STARD9: variants seen among roughly 807,000 people sequenced by gnomAD.
The protein encoded by STARD9 is StAR related lipid transfer domain containing 9, also known as stAR-related lipid transfer protein 9.
In STARD9, 346 loss-of-function variants were observed where a neutral mutation model predicts 399.8. The observed-to-expected ratio is 0.87, with a 90% CI of 0.79 to 0.95. The LOEUF is 0.95. Ranked by LOEUF, STARD9 falls within the 40% of genes least tolerant of loss-of-function variation. The pLI is 0.00. For synonymous variants in STARD9, 2,203 were observed against 2,143.5 expected (o/e 1.03, Z -0.77); for missense variants, 5,832 against 5,667.5 (o/e 1.03, Z -0.93).
In STARD9 at chr15:42,692,868, C is replaced by T. The variant is rs142161544; in HGVS notation, c.11290C>T (p.Leu3764=). Residue 3764 remains leucine (L), a synonymous_variant, in exon 23 of 33, where the codon CTA becomes TTA. Transcript: ENST00000290607. ...PQGANVILEG[L]GSDTSTVSQE... is the part of the protein sequence containing the mutation. Reference sequence around the variant, plus strand: ...GGGAGCCAATGTGATCCTTGAAGGGCTAGGCTCAGATACCTCGACTGTGTC... The same window carrying T: ...GGGAGCCAATGTGATCCTTGAAGGGTTAGGCTCAGATACCTCGACTGTGTC... 286 of 1,537,230 alleles carry T rather than the reference C, an allele frequency of 1.9e-4. 1 individual carries two copies. The East Asian group carries it at 6.1e-3, about 33-fold the overall frequency.
chr15:42,710,890 G>GCTCT (rs34768575), intron 26 of STARD9, among the ~76,000 whole-genome samples: 28 of 133,788 alleles, frequency 2.1e-4, no homozygotes, highest in Admixed American at 3.5e-4. Context: ...TCACTTGTGC[G>GCTCT]CTCTCTCTCT....
At chr15:42,683,332 A>G (rs902396065) in intron 22 of STARD9, among the ~76,000 whole-genome samples, 2 of 152,242 alleles carry the variant, frequency 1.3e-5, no homozygotes, top group Non-Finnish European at 2.9e-5. Context: ...TAGTACATGT[A>G]TCACTGATAT....
intron 26 of STARD9, among the ~76,000 whole-genome samples, chr15:42,698,545 A>G (rs1349825740): frequency 1.3e-5 from 2 of 152,126 alleles, no homozygotes; most frequent in East Asian, 3.8e-4. Flanking sequence ...ATATTTTAGT[A>G]AGAATAGCCG....
intron 7 of STARD9, among the ~76,000 whole-genome samples, chr15:42,647,583 ATCT>A (rs1398823871): frequency 4.6e-5 from 7 of 152,138 alleles, no homozygotes; most frequent in South Asian, 2.1e-4. Context: ...TTGTATTTTT[ATCT>A]TCTTTTCTAC....
At chr15:42,626,324 CTCCTCT>C (rs1439628043) in intron 3 of STARD9, among the ~76,000 whole-genome samples, 3 of 126,926 alleles carry the variant, frequency 2.4e-5, no homozygotes, top group Admixed American at 7.4e-5. Context: ...CCTCTTCTTC[CTCCTCT>C]TCCTCTTCTT....
Position 42,662,868 on chromosome 15 carries a change from T to G in STARD9, c.845T>G (p.Leu282Arg). 6.5e-7 allele frequency: 1 copy of G among 1,536,960 alleles called. No individual in the cohort carries two copies. The highest frequency in any genetic ancestry group is 2.4e-5 in the East Asian group (1 of 40,896). The change falls in exon 11 of 33, where the codon CTA (leucine) becomes CGA (arginine). Residue 282 changes from leucine (L) to arginine (R), a missense_variant. Coordinates refer to ENST00000290607, the MANE Select transcript of STARD9 (RefSeq NM_020759.3). ...GANINKSLVT[L>R]GIVISTLAQN... ...AATATCAACAAGTCCCTTGTGACTC[T>G]AGGAATTGTCATCTCCACCTTAGGT...
At position 42,665,815 on chromosome 15, in the gene STARD9, C is replaced by G. The variant is rs577253181; in HGVS notation, c.1284C>G (p.Asn428Lys). Residue 428 changes from asparagine (N) to lysine (K), a missense_variant, in exon 15 of 33, where the codon AAC becomes AAG. This residue lies in a region of STARD9 where 5,828 missense variants were observed against 5,651.1 expected (regional missense o/e 1.03). Coordinates refer to ENST00000290607, the MANE Select transcript of STARD9 (RefSeq NM_020759.3). ...LRNFSSLSDE[N>K]LKELVLQNEL... The stretch of plus-strand genomic sequence containing the variant: ...ACTTCAGTTCATTGAGTGATGAAAA[C>G]CTGAAGGAGCTGGTTCTCCAAAATG... 4.3e-5 allele frequency: 66 copies of G among 1,537,126 alleles called. 1 individual carries two copies. The African/African-American group carries it at 4.6e-4, about 11-fold the overall frequency.
At chr15:42,680,597 C>T (rs1418501084) in intron 20 of STARD9, among the ~76,000 whole-genome samples, 2 of 151,928 alleles carry the variant, frequency 1.3e-5, no homozygotes, top group Non-Finnish European at 2.9e-5. Flanking sequence ...GAGACCCTGT[C>T]TCAAAAAAAG....
intron 4 of STARD9, among the ~76,000 whole-genome samples, chr15:42,635,721 A>C (rs959263399): frequency 1.3e-5 from 2 of 152,186 alleles, no homozygotes; most frequent in African/African-American, 4.8e-5. Flanking sequence ...ATTTCTACTT[A>C]TCTCCAGGTT....
chr15:42,670,502 G>C (rs887131226), intron 16 of STARD9: 10 of 152,306 alleles, frequency 6.6e-5, no homozygotes, highest in African/African-American at 2.4e-4. Flanking sequence ...AGTTCCTTTT[G>C]ACAGCAGAAC....
At chr15:42,711,221 C>T (rs1052676493) in intron 26 of STARD9, among the ~76,000 whole-genome samples, 1 of 151,418 alleles carries the variant, frequency 6.6e-6, no homozygotes, top group Non-Finnish European at 1.5e-5. Context: ...CTCACTGCAA[C>T]CTCTGCCTCC....
chr15:42,689,056 C>T lies in STARD9; in HGVS notation c.7478C>T (p.Ser2493Phe), dbSNP rs1595778831. 2 of 1,537,268 alleles carry T rather than the reference C, an allele frequency of 1.3e-6. No individual in the cohort carries two copies. Among genetic ancestry groups the T allele is most frequent in the East Asian group, 2.4e-5 (1 of 40,918 alleles). ...CAGCCTGAAAAGAGGGTCAGCTTCTCCTTGGAAGAGGATAGTGACCAAGCC... is the reference window on the plus strand; with the variant it reads ...CAGCCTGAAAAGAGGGTCAGCTTCTTCTTGGAAGAGGATAGTGACCAAGCC... ...SSQPEKRVSF[S>F]LEEDSDQASK... is the part of the protein sequence containing the mutation. Residue 2493 changes from serine (S) to phenylalanine (F), a missense_variant, in exon 23 of 33, where the codon TCC becomes TTC. Physicochemically the swap from Ser to Phe is radical, Grantham distance 155. This residue lies in a region of STARD9 where 5,828 missense variants were observed against 5,651.1 expected (regional missense o/e 1.03). Transcript: ENST00000290607.
rs1179247783 is a variant in STARD9 at position 42,685,473 on chromosome 15, C to T, written c.3895C>T (p.Leu1299Phe). ...PHCELQPHCELQPHCEQAESQ... is the reference protein window; with the variant it reads ...PHCELQPHCEFQPHCEQAESQ... Reference sequence around the variant, plus strand: ...TTGTGAGCTCCAACCCCATTGTGAGCTCCAGCCCCATTGTGAGCAGGCTGA... The same window carrying T: ...TTGTGAGCTCCAACCCCATTGTGAGTTCCAGCCCCATTGTGAGCAGGCTGA... The change falls in exon 23 of 33, where the codon CTC becomes TTC. Residue 1299 changes from leucine to phenylalanine, a missense_variant. This residue lies in a region of STARD9 where 5,828 missense variants were observed against 5,651.1 expected (regional missense o/e 1.03). Coordinates refer to ENST00000290607, the MANE Select transcript of STARD9 (RefSeq NM_020759.3). 6.5e-7 allele frequency: 1 copy of T among 1,531,060 alleles called. No homozygotes were observed. Among genetic ancestry groups the T allele is most frequent in the Non-Finnish European group, 8.7e-7 (1 of 1,143,820 alleles). The allele number at this position is 1,531,060 out of a possible 1,614,324, so 94.8% of individuals were successfully genotyped here. A position where few individuals can be genotyped will look rare whatever the true frequency, so the allele number is the denominator to read the frequency against.
At chr15:42,657,110 AC>A in intron 9 of STARD9, among the ~76,000 whole-genome samples, 1 of 152,164 alleles carries the variant, frequency 6.6e-6, no homozygotes, top group Non-Finnish European at 1.5e-5. Flanking sequence ...TAATCCCAGC[AC>A]TTTGGGAAGC....
intron 7 of STARD9, among the ~76,000 whole-genome samples, chr15:42,645,802 A>G (rs569057962): frequency 1.4e-4 from 21 of 152,094 alleles, no homozygotes; most frequent in African/African-American, 4.8e-4. Context: ...TTGGCCTCCC[A>G]AAGTTCTGGG....
At chr15:42,621,206 T>C (rs1019055174) in intron 3 of STARD9, among the ~76,000 whole-genome samples, 91 of 152,342 alleles carry the variant, frequency 6.0e-4, no homozygotes, top group African/African-American at 1.9e-3. Context: ...TTCTCTTCTT[T>C]GTAATTAATA....
chr15:42,593,349 T>A (rs901945971), intron 3 of STARD9, among the ~76,000 whole-genome samples: 1 of 152,158 alleles, frequency 6.6e-6, no homozygotes, highest in African/African-American at 2.4e-5. Flanking sequence ...TGTAAAACTT[T>A]CCATGAGGAG....
intron 3 of STARD9, chr15:42,630,105 G>A (rs1216419356): frequency 6.7e-6 from 1 of 149,292 alleles, no homozygotes; most frequent in Non-Finnish European, 1.5e-5. Context: ...CTGGGTTCAA[G>A]TGATTCTCCT....
At chr15:42,678,540 A>G (rs958498285) in intron 20 of STARD9, among the ~76,000 whole-genome samples, 1 of 152,198 alleles carries the variant, frequency 6.6e-6, no homozygotes, top group Non-Finnish European at 1.5e-5. Flanking sequence ...AAGTGCCTAG[A>G]GCCTGGGAGA....
Sources: allele counts gnomAD v4.1 joint callset (sites outside exome capture counted in the v4.1 genomes callset), GRCh38; gene constraint gnomAD v4.1.1; regional missense constraint gnomAD v4.1.1; transcripts MANE v1.5; gene names NCBI Gene and HGNC (gene_info 2026-07-23, HGNC 2026-07-21).